Variants in ERC2 observed in about 807,000 individuals in gnomAD.
ERC2 encodes ERC protein 2.
ERC2 carries 42 observed loss-of-function variants against 114.8 expected under a neutral mutation model. The observed-to-expected ratio is 0.37, with a 90% CI of 0.29 to 0.47. ERC2 has a LOEUF of 0.47. ERC2 is among the 20% of genes least tolerant of loss of function. The pLI is 0.99. For synonymous variants in ERC2, 454 were observed against 425.5 expected (o/e 1.07, Z -0.82); for missense variants, 939 against 1,150.7 (o/e 0.82, Z 2.66).
intron 17 of ERC2, among the ~76,000 whole-genome samples, chr3:55,634,064 C>T (rs991122157): frequency 2.0e-5 from 3 of 152,168 alleles, no homozygotes; most frequent in African/African-American, 7.2e-5. Flanking sequence ...GCAGCAGAGA[C>T]CTCTGCATTA....
intron 6 of ERC2, among the ~76,000 whole-genome samples, chr3:56,089,707 A>G (rs2077685627): frequency 1.3e-5 from 2 of 152,126 alleles, no homozygotes; most frequent in South Asian, 2.1e-4. Context: ...CTGTAAGCCC[A>G]AAAGCTTCAA....
At chr3:55,973,296 A>G (rs1274007698) in intron 12 of ERC2, among the ~76,000 whole-genome samples, 1 of 152,240 alleles carries the variant, frequency 6.6e-6, no homozygotes, top group Admixed American at 6.5e-5. Flanking sequence ...GGGATGAGCT[A>G]CAGGCCACTT....
At chr3:55,514,271 C>T (rs1333596862) in intron 17 of ERC2, among the ~76,000 whole-genome samples, 1 of 151,872 alleles carries the variant, frequency 6.6e-6, no homozygotes, top group East Asian at 1.9e-4. Context: ...GGTGGATGCC[C>T]CTTTGGTACC....
At chr3:55,996,056 G>A (rs1405739196) in intron 10 of ERC2, among the ~76,000 whole-genome samples, 42 of 152,142 alleles carry the variant, frequency 2.8e-4, no homozygotes, top group Admixed American at 2.1e-3. Context: ...ACACTACAGC[G>A]AAAAAAGCAG....
chr3:56,168,452 T>G (rs6787104), intron 4 of ERC2, among the ~76,000 whole-genome samples: 124,904 of 152,196 alleles, frequency 0.82, 52,388 homozygotes, highest in South Asian at 0.93. Context: ...ACAGCATCCT[T>G]GGAGAAGATG....
At chr3:55,954,046 C>G (rs1274923325) in intron 12 of ERC2, among the ~76,000 whole-genome samples, 1 of 124,388 alleles carries the variant, frequency 8.0e-6, no homozygotes, top group South Asian at 2.6e-4. Flanking sequence ...ATCCACTTGG[C>G]AAGGCTCTGC....
chr3:56,295,705 A>G (rs918095285), intron 3 of ERC2, among the ~76,000 whole-genome samples: 1 of 152,254 alleles, frequency 6.6e-6, no homozygotes, highest in African/African-American at 2.4e-5. Flanking sequence ...ACTGAATAGT[A>G]CCATACCTAA....
chr3:55,640,916 C>A lies in ERC2; in HGVS notation c.*39+42878G>T, dbSNP rs570523051. Among the ~76,000 whole-genome samples the A allele has an allele frequency of 1.2e-3, 177 of 152,294 alleles. 1 individual carries two copies. The highest frequency in any genetic ancestry group is 4.1e-3 in the African/African-American group (169 of 41,568). On this transcript the variant is annotated intron_variant, in intron 17 of 17. Transcript: ENST00000288221. Reference sequence around the variant, plus strand: ...CTCAGACTGTGGGGAGCGAACACGACATAGGACTAGTCAATTAAAATAACT... The same window carrying A: ...CTCAGACTGTGGGGAGCGAACACGAAATAGGACTAGTCAATTAAAATAACT...
chr3:56,292,585 G>A (rs772004030), intron 3 of ERC2, among the ~76,000 whole-genome samples: 13 of 151,726 alleles, frequency 8.6e-5, no homozygotes, highest in African/African-American at 1.7e-4. Context: ...GTGAGACCCC[G>A]TCCCCCACCG....
At chr3:55,702,529 A>G (rs541208190) in intron 15 of ERC2, among the ~76,000 whole-genome samples, 18 of 150,182 alleles carry the variant, frequency 1.2e-4, no homozygotes, top group African/African-American at 4.5e-4. Context: ...TTTAAAATGG[A>G]TCTCTTTTAA....
intron 17 of ERC2, among the ~76,000 whole-genome samples, chr3:55,532,037 C>T (rs1312963548): frequency 1.3e-5 from 2 of 152,230 alleles, no homozygotes; most frequent in Non-Finnish European, 2.9e-5. Context: ...ACCAAGACTA[C>T]GCAAATAGAG....
chr3:55,803,315 C>T (rs2149106210), intron 14 of ERC2, among the ~76,000 whole-genome samples: 1 of 152,144 alleles, frequency 6.6e-6, no homozygotes, highest in East Asian at 1.9e-4. Context: ...TATTTTTCTC[C>T]CATGGCCTCC....
chr3:55,767,738 G>A (rs1490198008), intron 14 of ERC2, among the ~76,000 whole-genome samples: 5 of 152,210 alleles, frequency 3.3e-5, no homozygotes, highest in African/African-American at 7.2e-5. Flanking sequence ...TAACTGATGT[G>A]AATGAGTGAT....
chr3:55,935,484 CATCT>C (rs2066381997), intron 13 of ERC2, among the ~76,000 whole-genome samples: 1 of 152,172 alleles, frequency 6.6e-6, no homozygotes, highest in African/African-American at 2.4e-5. Flanking sequence ...TTACTCCATC[CATCT>C]GTCAATTAGA....
chr3:56,299,221 G>A (rs1476229291), intron 2 of ERC2, among the ~76,000 whole-genome samples: 2 of 149,716 alleles, frequency 1.3e-5, no homozygotes, highest in Non-Finnish European at 3.0e-5. Context: ...TCCGCCTCCC[G>A]GGTTCACGCC....
intron 17 of ERC2, among the ~76,000 whole-genome samples, chr3:55,513,001 G>C (rs1393755680): frequency 6.6e-6 from 1 of 152,200 alleles, no homozygotes; most frequent in African/African-American, 2.4e-5. Flanking sequence ...ACGAATCCTG[G>C]CTTCCAGCAA....
At chr3:55,597,477 T>TCCACC (rs1244330990) in intron 17 of ERC2, among the ~76,000 whole-genome samples, 1 of 152,012 alleles carries the variant, frequency 6.6e-6, no homozygotes. Flanking sequence ...CCACCCAGTT[T>TCCACC]CCACCCAGCC....
At chr3:55,775,725 A>C (rs1292156868) in intron 14 of ERC2, among the ~76,000 whole-genome samples, 1 of 152,170 alleles carries the variant, frequency 6.6e-6, no homozygotes, top group African/African-American at 2.4e-5. Flanking sequence ...CCCTGTCTTG[A>C]CCAGAAAAAT....
intron 6 of ERC2, among the ~76,000 whole-genome samples, chr3:56,124,042 T>A (rs1215724000): frequency 3.3e-5 from 5 of 152,188 alleles, no homozygotes; most frequent in African/African-American, 1.2e-4. Context: ...AGAAAGCCTA[T>A]CAGAATCAGG....
Sources: gnomAD v4.1 joint callset for allele counts (sites outside exome capture counted in the v4.1 genomes callset) on GRCh38, gnomAD v4.1.1 for gene constraint, MANE v1.5 for transcripts, NCBI Gene and HGNC (gene_info 2026-07-23, HGNC 2026-07-21) for gene names.